VPS50: variants seen among roughly 807,000 people sequenced by gnomAD.
The protein encoded by VPS50 is VPS50 subunit of EARP/GARPII complex.
In VPS50, 70 loss-of-function variants were observed where a neutral mutation model predicts 139.7. That is an observed-to-expected ratio of 0.50 (90% CI 0.41 to 0.61). The LOEUF (loss-of-function observed/expected upper bound fraction) is 0.61. Among genes scored for constraint, VPS50 ranks in the 20% least tolerant of loss-of-function variants. VPS50 has a pLI of 0.00. For synonymous variants in VPS50, 365 were observed against 376.7 expected, an observed-to-expected ratio of 0.97 and a Z score of 0.36; for missense variants, 921 against 1,133.7, an observed-to-expected ratio of 0.81 and a Z score of 2.69.
At chr7:93,238,632 C>T (rs1278561984) in intron 1 of VPS50, among the ~76,000 whole-genome samples, 1 of 152,074 alleles carries the variant, frequency 6.6e-6, no homozygotes, top group African/African-American at 2.4e-5. Flanking sequence ...ACATTCCTGG[C>T]CCAAATCTAG....
At chr7:93,294,705 C>A in intron 14 of VPS50, 69 bp downstream of exon 14, 1 of 1,239,444 alleles carries the variant, frequency 8.1e-7, no homozygotes, top group Non-Finnish European at 1.1e-6. Context: ...TTTAGAAATT[C>A]AGTTTTAAGT....
chr7:93,345,089 A>G (rs561835034), intron 23 of VPS50, among the ~76,000 whole-genome samples: 6 of 152,224 alleles, frequency 3.9e-5, no homozygotes, highest in Non-Finnish European at 7.3e-5. Flanking sequence ...TAGCAAGACT[A>G]ATAAAGAAAA....
Position 93,257,421 on chromosome 7 carries a change from A to G in VPS50, c.379A>G (p.Thr127Ala), listed in dbSNP as rs780342879. 3 of 1,604,278 alleles carry G rather than the reference A, an allele frequency of 1.9e-6. No individual in the cohort carries two copies. The highest frequency in any genetic ancestry group is 2.6e-6 in the Non-Finnish European group (3 of 1,172,404). Reference sequence around the variant, plus strand: ...ACTTGAAAGAGTTACCTCATTGCAGACAGGTCTTCAATTAGCTGCTGTTAT... The same window carrying G: ...ACTTGAAAGAGTTACCTCATTGCAGGCAGGTCTTCAATTAGCTGCTGTTAT... ...KELERVTSLQ[T>A]GLQLAAVICT... Residue 127 changes from threonine to alanine, a missense_variant, in exon 6 of 28, where the codon ACA (threonine) becomes GCA (alanine). Transcript: ENST00000305866.
At chr7:93,266,969 T>C (rs1795861516) in intron 9 of VPS50, among the ~76,000 whole-genome samples, 1 of 152,218 alleles carries the variant, frequency 6.6e-6, no homozygotes. Flanking sequence ...TTCCATATGC[T>C]GTTTACCTTA....
intron 27 of VPS50, among the ~76,000 whole-genome samples, chr7:93,357,374 G>A (rs904417118): frequency 6.6e-6 from 1 of 152,064 alleles, no homozygotes; most frequent in African/African-American, 2.4e-5. Context: ...TTCCCCAGCA[G>A]CAGCAGGGAC....
At chr7:93,258,089 A>G (rs1327752788) in intron 6 of VPS50, 70 bp from the exon 7 acceptor site, 3 of 678,374 alleles carry the variant, frequency 4.4e-6, no homozygotes, top group African/African-American at 3.7e-5. Context: ...TTAGTTACCT[A>G]ATTGTTCTGT....
intron 21 of VPS50, among the ~76,000 whole-genome samples, chr7:93,329,568 CAA>C (rs1474905113): frequency 6.6e-6 from 1 of 151,400 alleles, no homozygotes; most frequent in Non-Finnish European, 1.5e-5. Flanking sequence ...TTTGCAGACA[CAA>C]GATGCTAAAT....
chr7:93,275,662 A>T (rs986173808), intron 11 of VPS50, among the ~76,000 whole-genome samples: 1 of 152,142 alleles, frequency 6.6e-6, no homozygotes, highest in Admixed American at 6.6e-5. Context: ...TTGCTTTGTG[A>T]GGTATGCCTG....
chr7:93,249,774 G>C (rs767253398), intron 2 of VPS50, among the ~76,000 whole-genome samples: 1 of 152,100 alleles, frequency 6.6e-6, no homozygotes, highest in Non-Finnish European at 1.5e-5. Flanking sequence ...TGGACTTTTA[G>C]GGAAAGAGAT....
chr7:93,235,441 C>T (rs572263590), intron 1 of VPS50, among the ~76,000 whole-genome samples: 2 of 152,130 alleles, frequency 1.3e-5, no homozygotes, highest in South Asian at 2.1e-4. Context: ...GATTGAAGAG[C>T]GGAAAAGAGC....
Position 93,348,771 on chromosome 7 carries a change from A to C in VPS50, c.2268A>C (p.Ala756=), listed in dbSNP as rs762536040. The change falls in exon 24 of 28, where the codon GCA becomes GCC. Residue 756 remains alanine, a synonymous_variant. Coordinates refer to ENST00000305866, the MANE Select transcript of VPS50 (RefSeq NM_017667.4). ...CACATCTGGATGCTGTGATGCCTGCAGTCAAAAAGCCCTTTCTTCAGCAGT... is the reference window on the plus strand; with the variant it reads ...CACATCTGGATGCTGTGATGCCTGCCGTCAAAAAGCCCTTTCTTCAGCAGT... ...LQPHLDAVMP[A]VKKPFLQQFY... 3 of 1,613,600 alleles carry C rather than the reference A, an allele frequency of 1.9e-6. No homozygotes were observed. The East Asian group carries it at 6.7e-5, about 36-fold the overall frequency.
chr7:93,265,092 G>A (rs1269277975), intron 9 of VPS50, among the ~76,000 whole-genome samples: 2 of 151,888 alleles, frequency 1.3e-5, no homozygotes, highest in South Asian at 2.1e-4. Flanking sequence ...CCATTCACCC[G>A]TCACTTTCCT....
chr7:93,346,980 C>G (rs1227263486), intron 23 of VPS50, among the ~76,000 whole-genome samples: 1 of 140,034 alleles, frequency 7.1e-6, no homozygotes, highest in East Asian at 2.4e-4. Context: ...CAAATGGGAT[C>G]TAATTAAACT....
chr7:93,309,480 A>G (rs1034737515), intron 19 of VPS50, among the ~76,000 whole-genome samples: 3 of 151,950 alleles, frequency 2.0e-5, no homozygotes, highest in African/African-American at 7.2e-5. Context: ...AAAAGCCTTT[A>G]GATTTATAAA....
Position 93,358,580 on chromosome 7 carries a change from A to G in VPS50, c.*144A>G. On this transcript the variant is annotated 3_prime_UTR_variant, in exon 28 of 28. Transcript: ENST00000305866. Reference sequence around the variant, plus strand: ...TTGACTGGAAAGTGGAAAATATTGAAATGTGTGTGGTGTTCTCATGACTTT... The same window carrying G: ...TTGACTGGAAAGTGGAAAATATTGAGATGTGTGTGGTGTTCTCATGACTTT... 1 of 683,270 alleles carries G rather than the reference A, an allele frequency of 1.5e-6. No individual in the cohort carries two copies. The highest frequency in any genetic ancestry group is 2.3e-5 in the Admixed American group (1 of 42,856). 42.3% of individuals were successfully genotyped at this position (683,270 alleles called of 1,614,324 possible).
chr7:93,340,671 C>T (rs1415977104), intron 22 of VPS50: 1 of 152,112 alleles, frequency 6.6e-6, no homozygotes, highest in Non-Finnish European at 1.5e-5. Context: ...ATCAGAATAC[C>T]TAGAAAGGTA....
intron 13 of VPS50, among the ~76,000 whole-genome samples, chr7:93,293,173 G>A (rs1026732915): frequency 6.6e-6 from 1 of 152,154 alleles, no homozygotes; most frequent in African/African-American, 2.4e-5. Flanking sequence ...TATATTGGTG[G>A]TGGTTAATAT....
At position 93,273,918 on chromosome 7, in the gene VPS50, T is replaced by C. The variant is rs902373594; in HGVS notation, c.801+1185T>C. Reference sequence around the variant, plus strand: ...TGCAGTATTTCCAACTTTTTCATCATTATTATATCTGGGATGGTGATCTGT... The same window carrying C: ...TGCAGTATTTCCAACTTTTTCATCACTATTATATCTGGGATGGTGATCTGT... On this transcript the variant is annotated intron_variant, in intron 11 of 27. Coordinates refer to ENST00000305866, the MANE Select transcript of VPS50 (RefSeq NM_017667.4). 5.3e-5 allele frequency among the ~76,000 whole-genome samples: 8 copies of C among 152,234 alleles called. No homozygotes were observed. In the East Asian group the frequency reaches 9.6e-4, roughly 18 times the overall value.
chr7:93,276,372 C>T (rs766371266), intron 12 of VPS50, 67 bp downstream of exon 12: 3 of 1,525,032 alleles, frequency 2.0e-6, no homozygotes, highest in South Asian at 2.6e-5. Context: ...TTTCCTTTAT[C>T]TTGGTACATA....
Sources: allele counts gnomAD v4.1 joint callset (sites outside exome capture counted in the v4.1 genomes callset), GRCh38; gene constraint gnomAD v4.1.1; transcripts MANE v1.5; gene names NCBI Gene and HGNC (gene_info 2026-07-23, HGNC 2026-07-21).